The following CPQ variants were observed in gnomAD, a reference collection of about 807,000 sequenced individuals.
The protein encoded by CPQ is carboxypeptidase Q.
In CPQ, 37 loss-of-function variants were observed where a neutral mutation model predicts 45.7. That is an observed-to-expected ratio of 0.81 (90% CI 0.62 to 1.07). The LOEUF (loss-of-function observed/expected upper bound fraction) is 1.07, where lower values mean the gene tolerates loss of function less well. Ranked by LOEUF, CPQ falls within the 50% of genes least tolerant of loss-of-function variation. The probability of loss-of-function intolerance (pLI) is 0.00; values close to 1 mark genes in which losing one functional copy is unlikely to be tolerated. For missense variants in CPQ, 537 were observed against 572.9 expected (o/e 0.94, Z 0.64); for synonymous variants, 186 against 205.8 (o/e 0.90, Z 0.82).
intron 1 of CPQ, among the ~76,000 whole-genome samples, chr8:96,733,891 G>A (rs777279800): frequency 3.9e-5 from 6 of 152,136 alleles, no homozygotes; most frequent in Non-Finnish European, 8.8e-5. Context: ...AATATAAGCT[G>A]TGAACCCGTA....
chr8:97,093,495 A>G (rs1443240325), intron 7 of CPQ, among the ~76,000 whole-genome samples: 3 of 152,182 alleles, frequency 2.0e-5, no homozygotes, highest in Non-Finnish European at 4.4e-5. Flanking sequence ...CCAAACCCCA[A>G]TGACACACAA....
intron 1 of CPQ, among the ~76,000 whole-genome samples, chr8:96,757,308 G>A (rs896493349): frequency 2.7e-5 from 4 of 150,782 alleles, no homozygotes; most frequent in East Asian, 1.9e-4. Flanking sequence ...CCGAGATCAC[G>A]CCACTGTACT....
chr8:96,925,094 CCTT>C (rs1812855693), intron 4 of CPQ, among the ~76,000 whole-genome samples: 1 of 152,296 alleles, frequency 6.6e-6, no homozygotes, highest in Non-Finnish European at 1.5e-5. Context: ...TGTAAATTCT[CCTT>C]CTTTTGAGGT....
At chr8:97,127,790 TG>T (rs1242983929) in intron 7 of CPQ, among the ~76,000 whole-genome samples, 1 of 152,192 alleles carries the variant, frequency 6.6e-6, no homozygotes, top group Non-Finnish European at 1.5e-5. Context: ...TGCAATAATG[TG>T]GATGAATTCC....
intron 6 of CPQ, among the ~76,000 whole-genome samples, chr8:97,057,876 A>T (rs1243995635): frequency 1.3e-5 from 2 of 152,164 alleles, no homozygotes; most frequent in Non-Finnish European, 2.9e-5. Context: ...TAGTCACAGA[A>T]GGCTTGGGCA....
intron 5 of CPQ, among the ~76,000 whole-genome samples, chr8:96,981,131 A>G (rs1379647732): frequency 6.6e-6 from 1 of 152,142 alleles, no homozygotes; most frequent in Non-Finnish European, 1.5e-5. Flanking sequence ...TACTATTTAC[A>G]ATTTACCCTG....
intron 5 of CPQ, among the ~76,000 whole-genome samples, chr8:96,991,430 C>T (rs112565576): frequency 0.011 from 1,601 of 151,994 alleles, 23 homozygotes; most frequent in African/African-American, 0.037. Context: ...GTGGCAGGTG[C>T]CTCTTGTCCT....
intron 2 of CPQ, among the ~76,000 whole-genome samples, chr8:96,826,133 A>G (rs533114760): frequency 1.1e-4 from 16 of 152,024 alleles, no homozygotes; most frequent in Non-Finnish European, 2.1e-4. Flanking sequence ...TTTATCTCCT[A>G]TTTACAATTC....
chr8:97,041,060 T>G (rs1043204113), intron 6 of CPQ, among the ~76,000 whole-genome samples: 11 of 152,220 alleles, frequency 7.2e-5, no homozygotes, highest in African/African-American at 2.7e-4. Flanking sequence ...ATTGAATCTA[T>G]AAATTGCCTT....
chr8:97,006,259 G>A lies in CPQ; in HGVS notation c.962-23144G>A, dbSNP rs1033597655. Among the ~76,000 whole-genome samples, 7 of 152,270 alleles carry A rather than the reference G, an allele frequency of 4.6e-5. No individual in the cohort carries two copies. The South Asian group carries it at 1.2e-3, about 27-fold the overall frequency. ...GCCTAAGAGGAATAGAGGTGTGATT[G>A]AGATGTGGTGAAAGAATCTGAAAGT... On this transcript the variant is annotated intron_variant, in intron 5 of 7. Coordinates refer to ENST00000220763, the MANE Select transcript of CPQ (RefSeq NM_016134.4).
At chr8:96,985,023 C>T (rs896602844) in intron 5 of CPQ, among the ~76,000 whole-genome samples, 6 of 152,078 alleles carry the variant, frequency 3.9e-5, no homozygotes, top group Admixed American at 2.0e-4. Flanking sequence ...TTTGAAAACA[C>T]GTTTACTTTG....
chr8:96,735,104 A>G, intron 1 of CPQ, among the ~76,000 whole-genome samples: 1 of 152,082 alleles, frequency 6.6e-6, no homozygotes, highest in East Asian at 1.9e-4. Flanking sequence ...TTTATATCAA[A>G]CAGGACCACT....
chr8:96,695,528 C>T (rs1233589736), intron 1 of CPQ, among the ~76,000 whole-genome samples: 13 of 152,094 alleles, frequency 8.5e-5, no homozygotes, highest in South Asian at 2.1e-4. Context: ...AGAAAATTTT[C>T]GCAACCTACT....
intron 1 of CPQ, among the ~76,000 whole-genome samples, chr8:96,731,925 T>C (rs11777832): frequency 4.7e-4 from 71 of 152,308 alleles, no homozygotes; most frequent in Non-Finnish European, 9.4e-4. Context: ...TTATGAATAT[T>C]TTACCAGTAT....
At chr8:96,972,874 A>G (rs1384382632) in intron 5 of CPQ, among the ~76,000 whole-genome samples, 1 of 152,114 alleles carries the variant, frequency 6.6e-6, no homozygotes, top group Non-Finnish European at 1.5e-5. Context: ...GGGACAAAAG[A>G]ATCTGATTAG....
intron 1 of CPQ, among the ~76,000 whole-genome samples, chr8:96,771,816 T>C (rs1810547070): frequency 1.3e-5 from 2 of 152,154 alleles, no homozygotes. Flanking sequence ...CTTTCAAAAC[T>C]AATTCAGGTA....
intron 1 of CPQ, among the ~76,000 whole-genome samples, chr8:96,728,204 T>C (rs1366567331): frequency 5.3e-5 from 8 of 152,206 alleles, no homozygotes; most frequent in Non-Finnish European, 1.0e-4. Context: ...AATGCTTCTA[T>C]CAAATTCTGG....
intron 4 of CPQ, among the ~76,000 whole-genome samples, chr8:96,902,242 A>G (rs1812520689): frequency 6.6e-6 from 1 of 152,222 alleles, no homozygotes; most frequent in Non-Finnish European, 1.5e-5. Flanking sequence ...ATGATTTTAT[A>G]TATGTAAGTC....
At chr8:96,880,563 ATATATATATATATAC>A in intron 4 of CPQ, among the ~76,000 whole-genome samples, 1 of 54,958 alleles carries the variant, frequency 1.8e-5, no homozygotes, top group Admixed American at 1.9e-4. Flanking sequence ...ATATATATAT[ATATATATATATATAC>A]CATGGAATAC....
Sources: gnomAD v4.1 joint callset for allele counts (sites outside exome capture counted in the v4.1 genomes callset) on GRCh38, gnomAD v4.1.1 for gene constraint, MANE v1.5 for transcripts, NCBI Gene and HGNC (gene_info 2026-07-23, HGNC 2026-07-21) for gene names.